The following ZFYVE19 variants were observed in gnomAD, a reference collection of about 807,000 sequenced individuals.
ZFYVE19 encodes the protein zinc finger FYVE-type containing 19, also known as abscission/NoCut checkpoint regulator.
Under a neutral mutation model 62.8 loss-of-function variants are expected in ZFYVE19, and 49 were observed. The ratio of observed to expected loss-of-function variants is 0.78; its 90% CI spans 0.62 to 0.99. The LOEUF (loss-of-function observed/expected upper bound fraction) is 0.99, where lower values mean the gene tolerates loss of function less well. Ranked by LOEUF, ZFYVE19 falls within the 50% of genes least tolerant of loss-of-function variation. The probability of loss-of-function intolerance (pLI) is 0.00; values close to 1 mark genes in which losing one functional copy is unlikely to be tolerated. For synonymous variants in ZFYVE19, 242 were observed against 234.3 expected (o/e 1.03, Z -0.30); for missense variants, 630 against 601.9 (o/e 1.05, Z -0.49).
In ZFYVE19 at chr15:40,814,606, C is replaced by T. The variant is rs1414918716; in HGVS notation, c.*380C>T. 7 of 281,166 alleles carry T rather than the reference C, an allele frequency of 2.5e-5. No individual in the cohort carries two copies. In the Admixed American group the frequency reaches 2.8e-4, roughly 11 times the overall value. 17.4% of individuals were successfully genotyped at this position (281,166 alleles called of 1,614,324 possible). A position where few individuals can be genotyped will look rare whatever the true frequency, so the allele number is the denominator to read the frequency against. On this transcript the variant is annotated 3_prime_UTR_variant, in exon 11 of 11. Coordinates refer to ENST00000355341, the MANE Select transcript of ZFYVE19 (RefSeq NM_001077268.2). Reference sequence around the variant, plus strand: ...ATTTCTACAACCCTATGAGCCTGGGCCCTGTGAGAGGTGGCAGGAACAGAG... The same window carrying T: ...ATTTCTACAACCCTATGAGCCTGGGTCCTGTGAGAGGTGGCAGGAACAGAG...
At chr15:40,813,284 G>A (rs767173406) in intron 7 of ZFYVE19, 54 bp from the exon 8 acceptor site, 1 of 1,566,940 alleles carries the variant, frequency 6.4e-7, no homozygotes, top group Non-Finnish European at 8.7e-7. Flanking sequence ...CCACTCATGT[G>A]AAATCTCTCA....
chr15:40,810,483 A>T (rs1253977294), intron 5 of ZFYVE19, among the ~76,000 whole-genome samples, 166 bp from the exon 6 acceptor site: 1 of 152,178 alleles, frequency 6.6e-6, no homozygotes, highest in Non-Finnish European at 1.5e-5. Flanking sequence ...TAGGGCAGGA[A>T]AAAGTGGCCC....
intron 8 of ZFYVE19, 99 bp downstream of exon 8, chr15:40,813,516 G>C (rs1890565111): frequency 3.0e-6 from 4 of 1,354,220 alleles, no homozygotes; most frequent in Non-Finnish European, 4.1e-6. Context: ...TGAAGCTCCT[G>C]TTCTCTTTGG....
chr15:40,809,350 T>C, intron 2 of ZFYVE19, 58 bp from the exon 3 acceptor site: 1 of 1,613,528 alleles, frequency 6.2e-7, no homozygotes, highest in Non-Finnish European at 8.5e-7. Context: ...GTGTTTGGAG[T>C]GGGGGGCACT....
Position 40,812,876 on chromosome 15 carries a change from T to A in ZFYVE19, c.1004T>A (p.Met335Lys). 3.1e-6 allele frequency: 5 copies of A among 1,612,714 alleles called. No individual in the cohort carries two copies. Among genetic ancestry groups the A allele is most frequent in the Non-Finnish European group, 4.2e-6 (5 of 1,179,956 alleles). The change falls in exon 7 of 11, where the codon ATG becomes AAG. Residue 335 changes from methionine to lysine, a missense_variant. Met to Lys is a moderately conservative substitution (Grantham distance 95). Transcript: ENST00000355341. ...CTGGCCCTGGCCAAGCGACTAGCCA[T>A]GCTGCGGGGACAGGACCCCGAGAGA... ...RILALAKRLA[M>K]LRGQDPERVT...
rs371365253 is a variant in ZFYVE19, at chr15:40,807,750, C to T, written c.161C>T (p.Pro54Leu). The T allele has an allele frequency of 8.8e-6, 14 of 1,590,950 alleles. No homozygotes were observed. The highest frequency in any genetic ancestry group is 5.4e-5 in the African/African-American group (4 of 74,716). ...GAAGGGCGGAGCTGGGGTGAGGGTC[C>T]AAGGGGCCCAGGACTTGGCCGGCGT... ...GREGRSWGEGPRGPGLGRRDL... is the reference protein window; with the variant it reads ...GREGRSWGEGLRGPGLGRRDL... Residue 54 changes from proline to leucine, a missense_variant, in exon 1 of 11, where the codon CCA becomes CTA. Pro to Leu is a moderately conservative substitution (Grantham distance 98, BLOSUM62 -3). Transcript: ENST00000355341.
chr15:40,809,157 C>T lies in ZFYVE19; in HGVS notation c.318C>T (p.Gly106=), dbSNP rs773088525. The T allele has an allele frequency of 9.9e-6, 16 of 1,614,068 alleles. No individual in the cohort carries two copies. The Admixed American group carries it at 1.5e-4, about 15-fold the overall frequency. Residue 106 remains glycine (G), a synonymous_variant, in exon 2 of 11, where the codon GGC becomes GGT. Transcript: ENST00000355341. Reference sequence around the variant, plus strand: ...ATTGTGGCAGGGCCTTCTGTTCAGGCTGCCTAAGCTTCAGTGCAGCAGTGC... The same window carrying T: ...ATTGTGGCAGGGCCTTCTGTTCAGGTTGCCTAAGCTTCAGTGCAGCAGTGC... ...CKNCGRAFCS[G]CLSFSAAVPR...
At chr15:40,808,051 G>GT (rs2141972706) in intron 1 of ZFYVE19, 183 bp downstream of exon 1, 2 of 1,051,394 alleles carry the variant, frequency 1.9e-6, no homozygotes, top group East Asian at 5.1e-5. Context: ...CAGGGTTTAT[G>GT]TGAGGGTCCA....
rs533533659 is a variant in ZFYVE19 at position 40,814,445 on chromosome 15, G to C, written c.*219G>C. ...GCCCTCCTATTAGAAGCCCAGACTG[G>C]AAGTGAGAGGCATGATGGGGAGAGA... On this transcript the variant is annotated 3_prime_UTR_variant, in exon 11 of 11. Transcript: ENST00000355341. 42 of 601,872 alleles carry C rather than the reference G, an allele frequency of 7.0e-5. No individual in the cohort carries two copies. Among genetic ancestry groups the C allele is most frequent in the Admixed American group, 5.9e-5 (2 of 33,838 alleles). The allele number at this position is 601,872 out of a possible 1,614,324, so 37.3% of individuals were successfully genotyped here.
rs1433669111 is a variant in ZFYVE19 at position 40,813,766 on chromosome 15, G to A, written c.1164G>A (p.Glu388=). 6.2e-7 allele frequency: 1 copy of A among 1,614,118 alleles called. No homozygotes were observed. Among genetic ancestry groups the A allele is most frequent in the East Asian group, 2.2e-5 (1 of 44,882 alleles). Reference sequence around the variant, plus strand: ...CAAGTGGCTTTAACATCCCTGCAGAGCAGGCTTCTCGACCCTGGACGCAAC... The same window carrying A: ...CAAGTGGCTTTAACATCCCTGCAGAACAGGCTTCTCGACCCTGGACGCAAC... ...DEASGFNIPA[E]QASRPWTQPR... is the part of the protein sequence containing the mutation. The change falls in exon 9 of 11, where the codon GAG becomes GAA. Residue 388 remains glutamate (E), a synonymous_variant. Transcript: ENST00000355341.
At chr15:40,812,600 TAAAGAAAAAGA>T (rs1890528221) in intron 6 of ZFYVE19, 88 bp from the exon 7 acceptor site, 1 of 841,512 alleles carries the variant, frequency 1.2e-6, no homozygotes, top group Non-Finnish European at 1.8e-6. Flanking sequence ...AAAAAATTAT[TAAAGAAAAAGA>T]AAAGAAAAGG....
At position 40,812,787 on chromosome 15, in the gene ZFYVE19, GA is replaced by G. The variant is rs772548682; in HGVS notation, c.916del (p.Ser306AlafsTer28). 16 of 1,613,476 alleles carry G rather than the reference GA, an allele frequency of 9.9e-6. No homozygotes were observed. Among genetic ancestry groups the G allele is most frequent in the Non-Finnish European group, 1.3e-5 (15 of 1,180,014 alleles). ...CCAACTGGTCCTTGGAGGAGGAGAA[GA>G]GCAGACTGCTGGCTGAGGCAGCACT... ...QANWSLEEEK[S>X]RLLAEAALEL... On this transcript the variant is annotated frameshift_variant, in exon 7 of 11. Coordinates refer to ENST00000355341, the MANE Select transcript of ZFYVE19 (RefSeq NM_001077268.2). LOFTEE classifies it high-confidence loss of function.
chr15:40,808,871 A>G, intron 1 of ZFYVE19: 1 of 446,822 alleles, frequency 2.2e-6, no homozygotes, highest in South Asian at 2.5e-5. Flanking sequence ...TCCCTGGGTC[A>G]GGGAATTGAA....
At chr15:40,812,963 T>A (rs902831263) in intron 7 of ZFYVE19, 61 bp downstream of exon 7, 1 of 1,570,266 alleles carries the variant, frequency 6.4e-7, no homozygotes, top group African/African-American at 1.3e-5. Context: ...CTGGCAGGGC[T>A]GAGTCAGGTG....
intron 6 of ZFYVE19, among the ~76,000 whole-genome samples, chr15:40,811,815 A>C (rs1890497010): frequency 6.6e-6 from 1 of 152,260 alleles, no homozygotes; most frequent in South Asian, 2.1e-4. Context: ...TAAGCTGCAG[A>C]GATGAGACTT....
intron 1 of ZFYVE19, 185 bp downstream of exon 1, chr15:40,808,053 G>A (rs1258807372): frequency 2.9e-6 from 3 of 1,043,106 alleles, no homozygotes; most frequent in Non-Finnish European, 4.3e-6. Flanking sequence ...GGGTTTATGT[G>A]AGGGTCCACT....
At chr15:40,813,638 A>C in intron 8 of ZFYVE19, 75 bp from the exon 9 acceptor site, 6 of 1,348,350 alleles carry the variant, frequency 4.4e-6, no homozygotes, top group Non-Finnish European at 5.1e-6. Flanking sequence ...CTAAGTCCAC[A>C]GTGCACAGAA....
Position 40,807,792 on chromosome 15 carries a change from A to G in ZFYVE19, c.203A>G (p.Asp68Gly), listed in dbSNP as rs754910861. Residue 68 changes from aspartate (D) to glycine (G), a missense_variant, in exon 1 of 11, where the codon GAC (aspartate) becomes GGC (glycine). Asp to Gly is a moderately conservative substitution (Grantham distance 94). Coordinates refer to ENST00000355341, the MANE Select transcript of ZFYVE19 (RefSeq NM_001077268.2). Reference sequence around the variant, plus strand: ...GGCCGGCGTGATCTCAGCTCTGCAGACCCTGCGGTGCTGGGAGCCACCATG... The same window carrying G: ...GGCCGGCGTGATCTCAGCTCTGCAGGCCCTGCGGTGCTGGGAGCCACCATG... ...GLGRRDLSSADPAVLGATMES... is the reference protein window; with the variant it reads ...GLGRRDLSSAGPAVLGATMES... 2 of 1,567,700 alleles carry G rather than the reference A, an allele frequency of 1.3e-6. No individual in the cohort carries two copies. Among genetic ancestry groups the G allele is most frequent in the East Asian group, 2.2e-5 (1 of 44,570 alleles).
At chr15:40,809,798 C>A (rs929928546) in intron 3 of ZFYVE19, 54 bp from the exon 4 acceptor site, 1 of 1,560,856 alleles carries the variant, frequency 6.4e-7, no homozygotes, top group African/African-American at 1.4e-5. Context: ...TGAGTGGGTG[C>A]CTTCACTCTT....
Sources: allele counts gnomAD v4.1 joint callset (sites outside exome capture counted in the v4.1 genomes callset), GRCh38; gene constraint gnomAD v4.1.1; transcripts MANE v1.5; gene names NCBI Gene and HGNC (gene_info 2026-07-23, HGNC 2026-07-21).